Variants in MYO3B observed in about 807,000 individuals in gnomAD.
The protein encoded by MYO3B is myosin IIIB, also known as myosin-IIIb.
A neutral mutation model predicts 174.6 loss-of-function variants in MYO3B; 156 were observed. The observed-to-expected ratio is 0.89, with a 90% CI of 0.78 to 1.02. MYO3B has a LOEUF of 1.02. MYO3B is among the 50% of genes least tolerant of loss of function. The probability of loss-of-function intolerance (pLI) is 0.00; values close to 1 mark genes in which losing one functional copy is unlikely to be tolerated. For missense variants in MYO3B, 1,632 were observed against 1,639.4 expected (o/e 1.00, Z 0.08); for synonymous variants, 563 against 569.1 (o/e 0.99, Z 0.15).
chr2:170,215,067 AAAG>A (rs1411947199), intron 5 of MYO3B, among the ~76,000 whole-genome samples: 1 of 152,248 alleles, frequency 6.6e-6, no homozygotes, highest in Non-Finnish European at 1.5e-5. Context: ...AAGTGTTTCA[AAAG>A]AAGAACTTGA....
intron 9 of MYO3B, among the ~76,000 whole-genome samples, chr2:170,371,312 T>C (rs1439423366): frequency 2.0e-5 from 3 of 151,950 alleles, no homozygotes; most frequent in Non-Finnish European, 4.4e-5. Context: ...CTAATTTCTC[T>C]TTATCTTTGT....
chr2:170,566,786 G>A (rs1692103198), intron 32 of MYO3B, among the ~76,000 whole-genome samples: 1 of 152,152 alleles, frequency 6.6e-6, no homozygotes, highest in Non-Finnish European at 1.5e-5. Flanking sequence ...TAAATCTGGA[G>A]TTCAAACGGT....
intron 25 of MYO3B, among the ~76,000 whole-genome samples, chr2:170,490,248 T>C (rs2106042296): frequency 6.6e-6 from 1 of 152,248 alleles, no homozygotes; most frequent in South Asian, 2.1e-4. Flanking sequence ...CAGGATGGTC[T>C]CGATTTCCTG....
chr2:170,651,801 T>C, intron 33 of MYO3B, 67 bp downstream of exon 33: 1 of 1,375,554 alleles, frequency 7.3e-7, no homozygotes, highest in Non-Finnish European at 1.0e-6. Flanking sequence ...CTGTTATTAC[T>C]ACCTGTTCCA....
At chr2:170,568,663 G>T (rs1034342039) in intron 32 of MYO3B, among the ~76,000 whole-genome samples, 1 of 152,160 alleles carries the variant, frequency 6.6e-6, no homozygotes, top group Non-Finnish European at 1.5e-5. Context: ...AGATACCTTT[G>T]CATATCAATG....
chr2:170,391,492 T>A (rs1241612121), intron 14 of MYO3B, 28 bp from the exon 15 acceptor site: 9 of 1,151,614 alleles, frequency 7.8e-6, no homozygotes, highest in Non-Finnish European at 1.1e-5. Context: ...CCAGAATATA[T>A]TATTACTAAA....
intron 32 of MYO3B, among the ~76,000 whole-genome samples, chr2:170,613,971 A>G (rs1695285380): frequency 6.6e-6 from 1 of 152,104 alleles, no homozygotes; most frequent in Non-Finnish European, 1.5e-5. Flanking sequence ...TGTATATCCT[A>G]TTAGTTCTGT....
At chr2:170,289,380 C>A (rs1335689275) in intron 7 of MYO3B, among the ~76,000 whole-genome samples, 1 of 151,944 alleles carries the variant, frequency 6.6e-6, no homozygotes, top group African/African-American at 2.4e-5. Context: ...TTACAGCCTT[C>A]TTCTCATTAA....
chr2:170,318,939 A>T (rs1244440930), intron 7 of MYO3B, among the ~76,000 whole-genome samples: 2 of 152,232 alleles, frequency 1.3e-5, no homozygotes, highest in Admixed American at 6.5e-5. Flanking sequence ...TGGAACAAGC[A>T]TAGTGGAACT....
At chr2:170,623,059 A>G (rs1696079319) in intron 32 of MYO3B, among the ~76,000 whole-genome samples, 2 of 152,160 alleles carry the variant, frequency 1.3e-5, no homozygotes, top group Non-Finnish European at 1.5e-5. Flanking sequence ...TTATAGCAGT[A>G]TGATTTATAT....
At chr2:170,490,373 A>G (rs1340470024) in intron 25 of MYO3B, among the ~76,000 whole-genome samples, 1 of 152,228 alleles carries the variant, frequency 6.6e-6, no homozygotes, top group Non-Finnish European at 1.5e-5. Flanking sequence ...TAGAAGTACA[A>G]TGATTTTTGT....
At chr2:170,372,302 G>C (rs2094255181) in intron 9 of MYO3B, among the ~76,000 whole-genome samples, 1 of 152,018 alleles carries the variant, frequency 6.6e-6, no homozygotes, top group Non-Finnish European at 1.5e-5. Context: ...AAAATGCTTA[G>C]AATAATGCAA....
chr2:170,343,029 TAACACA>T (rs770840019), intron 8 of MYO3B, among the ~76,000 whole-genome samples: 2 of 100,208 alleles, frequency 2.0e-5, no homozygotes, highest in Non-Finnish European at 4.2e-5. Context: ...TTCGGGCCTC[TAACACA>T]CACACACACA....
At chr2:170,488,229 C>T (rs535359989) in intron 25 of MYO3B, among the ~76,000 whole-genome samples, 22 of 152,240 alleles carry the variant, frequency 1.4e-4, no homozygotes, top group Non-Finnish European at 2.5e-4. Context: ...ACATATTCCA[C>T]GAATATTTTC....
intron 8 of MYO3B, among the ~76,000 whole-genome samples, chr2:170,354,546 C>T (rs1381246597): frequency 6.6e-6 from 1 of 152,130 alleles, no homozygotes; most frequent in Non-Finnish European, 1.5e-5. Flanking sequence ...AGAAAGATAA[C>T]CATTCAGAAA....
intron 26 of MYO3B, 77 bp downstream of exon 26, chr2:170,498,780 G>C: frequency 1.1e-6 from 1 of 924,186 alleles, no homozygotes. Flanking sequence ...GGCATGAATG[G>C]CTCTGTAAGT....
chr2:170,199,196 TC>T lies in MYO3B; in HGVS notation c.3-7del. On this transcript the variant is annotated splice_polypyrimidine_tract_variant and intron_variant, in intron 1 of 34. Coordinates refer to ENST00000408978, the MANE Select transcript of MYO3B (RefSeq NM_138995.5). ...TGATCTGTTGCACATAACAAATTTT[TC>T]CCCCAACCAGGAAACATCTGTATGG... The T allele has an allele frequency of 1.3e-6, 2 of 1,574,766 alleles. No individual in the cohort carries two copies. Among genetic ancestry groups the T allele is most frequent in the Non-Finnish European group, 8.6e-7 (1 of 1,159,508 alleles).
At chr2:170,504,133 T>C (rs7562756) in intron 28 of MYO3B, among the ~76,000 whole-genome samples, 106,240 of 152,182 alleles carry the variant, frequency 0.7, 37,370 homozygotes, top group South Asian at 0.89. Context: ...CCAGATACAG[T>C]GGCTCCCCGC....
intron 7 of MYO3B, among the ~76,000 whole-genome samples, chr2:170,269,057 G>A (rs1337042165): frequency 2.0e-5 from 3 of 152,168 alleles, no homozygotes; most frequent in African/African-American, 7.2e-5. Context: ...AGTTCTGCCC[G>A]AGTGACGGTA....
Sources: allele counts gnomAD v4.1 joint callset (sites outside exome capture counted in the v4.1 genomes callset), GRCh38; gene constraint gnomAD v4.1.1; transcripts MANE v1.5; gene names NCBI Gene and HGNC (gene_info 2026-07-23, HGNC 2026-07-21).